The following CHDH variants were observed in gnomAD, a reference collection of about 807,000 sequenced individuals.
CHDH encodes choline dehydrogenase, mitochondrial.
A neutral mutation model predicts 56.9 loss-of-function variants in CHDH; 43 were observed. The observed-to-expected ratio is 0.76, with a 90% confidence interval of 0.59 to 0.97. The LOEUF (loss-of-function observed/expected upper bound fraction) is 0.97. CHDH is among the 50% of genes least tolerant of loss of function. The pLI, the probability that CHDH is intolerant of heterozygous loss-of-function variation, is 0.00. For missense variants in CHDH, 816 were observed against 821.1 expected (o/e 0.99, Z 0.08); for synonymous variants, 364 against 348.5 (o/e 1.04, Z -0.50).
intron 2 of CHDH, among the ~76,000 whole-genome samples, chr3:53,840,001 G>T (rs1698621702): frequency 2.0e-5 from 3 of 152,140 alleles, no homozygotes; most frequent in Admixed American, 2.0e-4. Flanking sequence ...ATGGTGCGGA[G>T]GCTAAAAAAG....
In CHDH at chr3:53,817,798, C is replaced by T. The variant is rs766023057; in HGVS notation, c.1764G>A (p.Arg588=). The change falls in exon 9 of 9, where the codon AGG becomes AGA. Residue 588 remains arginine (R), a synonymous_variant. Transcript: ENST00000315251. ...WDKDVPVYKP[R]TLATQR is the part of the protein sequence containing the mutation. ...TGTCTTAGCGCTGGGTGGCCAGCGT[C>T]CTGGGCTTGTAGACAGGGACATCTT... is the stretch of plus-strand genomic sequence containing the variant. The T allele has an allele frequency of 3.1e-6, 5 of 1,609,878 alleles. No homozygotes were observed. The South Asian group carries it at 3.3e-5, about 11-fold the overall frequency.
intron 2 of CHDH, among the ~76,000 whole-genome samples, chr3:53,827,865 T>A (rs917866721): frequency 6.6e-6 from 1 of 152,154 alleles, no homozygotes; most frequent in African/African-American, 2.4e-5. Flanking sequence ...AGCAAGTTAT[T>A]TTGTAGATAT....
At position 53,812,437 on chromosome 3, in the gene CHDH, C is replaced by T. The variant is rs1479406271; in HGVS notation, c.*5340G>A. On this transcript the variant is annotated 3_prime_UTR_variant, in exon 9 of 9. Transcript: ENST00000315251. ...AATTTTTCTAAAATATTTTGAGTCA[C>T]TATAAACCTATCATCTTTCCACAAG... 6.6e-6 allele frequency: 1 copy of T among 152,208 alleles called. No individual in the cohort carries two copies. The highest frequency in any genetic ancestry group is 2.4e-5 in the African/African-American group (1 of 41,440). 9.4% of individuals were successfully genotyped at this position (152,208 alleles called of 1,614,324 possible). A position where few individuals can be genotyped will look rare whatever the true frequency, so the allele number is the denominator to read the frequency against.
At position 53,816,093 on chromosome 3, in the gene CHDH, C is replaced by T. The variant is rs908868403; in HGVS notation, c.*1684G>A. On this transcript the variant is annotated 3_prime_UTR_variant, in exon 9 of 9. Transcript: ENST00000315251. ...ATGGGTTTCTTCCTGCTGCCTCTCT[C>T]GAAGGTTTTTCTCAGAAAACTAACT... 4 of 150,468 alleles carry T rather than the reference C, an allele frequency of 2.7e-5. No homozygotes were observed. Among genetic ancestry groups the T allele is most frequent in the African/African-American group, 9.9e-5 (4 of 40,282 alleles). 9.3% of individuals were successfully genotyped at this position (150,468 alleles called of 1,614,324 possible). A position where few individuals can be genotyped will look rare whatever the true frequency, so the allele number is the denominator to read the frequency against.
chr3:53,818,377 T>C (rs1463704453), intron 8 of CHDH, among the ~76,000 whole-genome samples, 182 bp from the exon 9 acceptor site: 1 of 152,198 alleles, frequency 6.6e-6, no homozygotes, highest in Non-Finnish European at 1.5e-5. Context: ...GGTTAGACTG[T>C]ACCGTGTAGC....
chr3:53,823,953 A>T lies in CHDH; in HGVS notation c.56T>A (p.Leu19Gln). ...GGCACCCAGGGATTGCTGCTGCCCCAGGGCTCCCCGTGCCAGGGCTCCAGG... is the reference window on the plus strand; with the variant it reads ...GGCACCCAGGGATTGCTGCTGCCCCTGGGCTCCCCGTGCCAGGGCTCCAGG... ...GRPGALARGA[L>Q]GQQQSLGARA... Residue 19 changes from leucine to glutamine, a missense_variant, in exon 3 of 9, where the codon CTG becomes CAG. By Grantham distance (113) the Leu-to-Gln change is moderately radical. Coordinates refer to ENST00000315251, the MANE Select transcript of CHDH (RefSeq NM_018397.5). The T allele has an allele frequency of 6.6e-7, 1 of 1,520,646 alleles. No individual in the cohort carries two copies. Among genetic ancestry groups the T allele is most frequent in the Non-Finnish European group, 8.8e-7 (1 of 1,140,320 alleles). The allele number at this position is 1,520,646 out of a possible 1,614,324, so 94.2% of individuals were successfully genotyped here.
At chr3:53,842,701 C>T (rs7634578) in intron 1 of CHDH, among the ~76,000 whole-genome samples, 18,634 of 152,158 alleles carry the variant, frequency 0.12, 3,143 homozygotes, top group African/African-American at 0.38. Flanking sequence ...CCAGCCCCTC[C>T]TACTAGAGCA....
chr3:53,843,584 C>A (rs1173416437), intron 1 of CHDH, among the ~76,000 whole-genome samples: 4 of 152,116 alleles, frequency 2.6e-5, no homozygotes, highest in African/African-American at 9.7e-5. Context: ...AAGTTCAAAC[C>A]AGCTCCCCTG....
At chr3:53,844,100 C>T (rs1447088495) in intron 1 of CHDH, among the ~76,000 whole-genome samples, 1 of 152,208 alleles carries the variant, frequency 6.6e-6, no homozygotes, top group African/African-American at 2.4e-5. Flanking sequence ...CTCCACTCCA[C>T]AGCCCCAACT....
intron 2 of CHDH, among the ~76,000 whole-genome samples, chr3:53,838,542 G>A (rs1304819174): frequency 1.3e-5 from 2 of 152,192 alleles, no homozygotes; most frequent in Non-Finnish European, 2.9e-5. Flanking sequence ...GAAGGCGCTG[G>A]TGTCCCAGCT....
Position 53,823,812 on chromosome 3 carries a change from C to G in CHDH, c.197G>C (p.Arg66Pro), listed in dbSNP as rs761638939. Residue 66 changes from arginine to proline, a missense_variant, in exon 3 of 9, where the codon CGC (arginine) becomes CCC (proline). Physicochemically the swap from Arg to Pro is moderately radical, Grantham distance 103 (BLOSUM62 -2). Transcript: ENST00000315251. The stretch of plus-strand genomic sequence containing the variant: ...GGGCCCGGCCTCCAGCAGCAGCACG[C>G]GCTCGGCGGGGTCCTCCGTGAGCCT... ...AGRLTEDPAE[R>P]VLLLEAGPKD... The G allele has an allele frequency of 1.1e-5, 17 of 1,584,516 alleles. No individual in the cohort carries two copies. The East Asian group carries it at 3.2e-4, about 30-fold the overall frequency.
In CHDH at chr3:53,817,531, A is replaced by G. The variant is rs762489699; in HGVS notation, c.*246T>C. ...GTCCCTCCAGGAGGCAGGGAGGAAC[A>G]TCTCAGGCTGAATGCTGGCCTTCCC... is the stretch of plus-strand genomic sequence containing the variant. On this transcript the variant is annotated 3_prime_UTR_variant, in exon 9 of 9. Coordinates refer to ENST00000315251, the MANE Select transcript of CHDH (RefSeq NM_018397.5). 2.1e-5 allele frequency: 11 copies of G among 520,938 alleles called. No homozygotes were observed. In the Middle Eastern group the frequency reaches 2.0e-3, roughly 93 times the overall value. The allele number at this position is 520,938 out of a possible 1,614,324, so 32.3% of individuals were successfully genotyped here. A position where few individuals can be genotyped will look rare whatever the true frequency, so the allele number is the denominator to read the frequency against.
intron 6 of CHDH, 76 bp downstream of exon 6, chr3:53,820,398 C>A: frequency 1.3e-6 from 2 of 1,517,344 alleles, no homozygotes; most frequent in South Asian, 1.3e-5. Context: ...GGCCAGAACC[C>A]CTGTTCAGCT....
intron 1 of CHDH, among the ~76,000 whole-genome samples, chr3:53,843,180 C>A (rs563675101): frequency 7.8e-5 from 7 of 89,466 alleles, no homozygotes; most frequent in African/African-American, 1.5e-4. Flanking sequence ...GGGAATTTCC[C>A]CCCCCACCTT....
intron 2 of CHDH, among the ~76,000 whole-genome samples, chr3:53,828,162 GACACACACACACAC>G (rs60594351): frequency 2.1e-5 from 3 of 145,146 alleles, no homozygotes; most frequent in Non-Finnish European, 3.0e-5. Flanking sequence ...GGAATAACTA[GACACACACACACAC>G]ACACACACAC....
chr3:53,828,162 GACACACACACACACAC>G (rs60594351), intron 2 of CHDH, among the ~76,000 whole-genome samples: 53 of 145,146 alleles, frequency 3.7e-4, no homozygotes, highest in South Asian at 2.2e-4. Flanking sequence ...GGAATAACTA[GACACACACACACACAC>G]ACACACACAC....
In CHDH at chr3:53,816,926, G is replaced by A. The variant is rs148394206; in HGVS notation, c.*851C>T. 2 of 148,556 alleles carry A rather than the reference G, an allele frequency of 1.3e-5. No homozygotes were observed. The highest frequency in any genetic ancestry group is 5.0e-5 in the African/African-American group (2 of 39,932). 9.2% of individuals were successfully genotyped at this position (148,556 alleles called of 1,614,324 possible). Reference sequence around the variant, plus strand: ...AGTGGTGCCATCAGGGTTCACAGGAGCCTCAACCTCCTGGGCTAAAGCCAT... The same window carrying A: ...AGTGGTGCCATCAGGGTTCACAGGAACCTCAACCTCCTGGGCTAAAGCCAT... On this transcript the variant is annotated 3_prime_UTR_variant, in exon 9 of 9. Transcript: ENST00000315251.
intron 2 of CHDH, among the ~76,000 whole-genome samples, chr3:53,830,402 T>TTATATATATATATATATA (rs34884918): frequency 4.1e-5 from 6 of 147,086 alleles, no homozygotes; most frequent in African/African-American, 1.5e-4. Context: ...CTAAATGAGA[T>TTATATATATATATATATA]TATATATATA....
In CHDH at chr3:53,813,390, ACT is replaced by A. The variant is rs1461911330; in HGVS notation, c.*4385_*4386del. ...AGTGAGAGCCTCCGACAGGGCAGGT[ACT>A]GTGCCAGGGCAGCTCTGAAATTATG... is the stretch of plus-strand genomic sequence containing the variant. On this transcript the variant is annotated 3_prime_UTR_variant, in exon 9 of 9. Coordinates refer to ENST00000315251, the MANE Select transcript of CHDH (RefSeq NM_018397.5). The A allele has an allele frequency of 6.6e-6, 1 of 152,238 alleles. No homozygotes were observed. The highest frequency in any genetic ancestry group is 1.5e-5 in the Non-Finnish European group (1 of 68,040). The allele number at this position is 152,238 out of a possible 1,614,324, so 9.4% of individuals were successfully genotyped here. A position where few individuals can be genotyped will look rare whatever the true frequency, so the allele number is the denominator to read the frequency against.
Sources: allele counts gnomAD v4.1 joint callset (sites outside exome capture counted in the v4.1 genomes callset), GRCh38; gene constraint gnomAD v4.1.1; transcripts MANE v1.5; gene names NCBI Gene and HGNC (gene_info 2026-07-23, HGNC 2026-07-21).